GNA14: variants seen among roughly 807,000 people sequenced by gnomAD.
The protein encoded by GNA14 is G protein subunit alpha 14.
A neutral mutation model predicts 42.0 loss-of-function variants in GNA14; 50 were observed. The ratio of observed to expected loss-of-function variants is 1.19; its 90% CI spans 0.95 to 1.51. The LOEUF (loss-of-function observed/expected upper bound fraction) is 1.51. Among genes scored for constraint, GNA14 ranks in the 40% most tolerant of loss-of-function variants. GNA14 has a pLI of 0.00. For missense variants in GNA14, 473 were observed against 446.2 expected, an observed-to-expected ratio of 1.06 and a Z score of -0.54; for synonymous variants, 173 against 163.1, an observed-to-expected ratio of 1.06 and a Z score of -0.46.
chr9:77,476,214 G>A (rs1474066485), intron 2 of GNA14, among the ~76,000 whole-genome samples: 1 of 152,136 alleles, frequency 6.6e-6, no homozygotes, highest in Non-Finnish European at 1.5e-5. Flanking sequence ...AAATGATTCA[G>A]ATTTTAGATT....
At chr9:77,579,111 C>G (rs1823175103) in intron 1 of GNA14, among the ~76,000 whole-genome samples, 1 of 152,182 alleles carries the variant, frequency 6.6e-6, no homozygotes, top group Admixed American at 6.5e-5. Context: ...TCTCTGAGAT[C>G]TAGGGCATCA....
At chr9:77,557,973 G>C (rs564380153) in intron 1 of GNA14, among the ~76,000 whole-genome samples, 9 of 152,136 alleles carry the variant, frequency 5.9e-5, no homozygotes, top group Admixed American at 1.3e-4. Flanking sequence ...TAGCCATTTA[G>C]AACCACAACC....
At chr9:77,436,625 C>G (rs191877654) in intron 2 of GNA14, among the ~76,000 whole-genome samples, 6 of 152,118 alleles carry the variant, frequency 3.9e-5, no homozygotes, top group African/African-American at 1.4e-4. Flanking sequence ...CCCCTCCTCT[C>G]GCCACGCTCT....
chr9:77,627,702 C>A (rs1378766294), intron 1 of GNA14, among the ~76,000 whole-genome samples: 1 of 152,126 alleles, frequency 6.6e-6, no homozygotes, highest in Non-Finnish European at 1.5e-5. Context: ...CCCATTCATG[C>A]TAAAAACTCT....
intron 2 of GNA14, among the ~76,000 whole-genome samples, chr9:77,502,090 G>A (rs956090024): frequency 6.6e-6 from 1 of 152,112 alleles, no homozygotes; most frequent in African/African-American, 2.4e-5. Context: ...CCAATCCATT[G>A]AGTATATTGT....
At chr9:77,428,301 G>T (rs947539995) in intron 5 of GNA14, among the ~76,000 whole-genome samples, 2 of 151,780 alleles carry the variant, frequency 1.3e-5, no homozygotes, top group African/African-American at 4.8e-5. Flanking sequence ...GGATGGTCTC[G>T]ATCTCCTGAC....
chr9:77,568,146 A>G (rs1483701848), intron 1 of GNA14, among the ~76,000 whole-genome samples: 4 of 152,040 alleles, frequency 2.6e-5, no homozygotes, highest in Non-Finnish European at 5.9e-5. Context: ...CATAGCTCAA[A>G]TACTGCTTAA....
In GNA14 at chr9:77,434,378, A is replaced by T; in HGVS notation, c.454T>A (p.Ser152Thr). 1 of 1,613,746 alleles carries T rather than the reference A, an allele frequency of 6.2e-7. No individual in the cohort carries two copies. Among genetic ancestry groups the T allele is most frequent in the African/African-American group, 1.3e-5 (1 of 75,028 alleles). Residue 152 changes from serine (S) to threonine (T), a missense_variant, in exon 3 of 7, where the codon TCT (serine) becomes ACT (threonine). Transcript: ENST00000341700. ...DRRREYQLSD[S>T]AKYYLTDIDR... The stretch of plus-strand genomic sequence containing the variant: ...GGGCTCTGTACTCACTATTTGGCAG[A>T]GTCCGACAGCTGGTACTCCCTCCTC...
intron 2 of GNA14, among the ~76,000 whole-genome samples, chr9:77,476,796 T>C (rs953456730): frequency 6.6e-6 from 1 of 152,196 alleles, no homozygotes; most frequent in African/African-American, 2.4e-5. Context: ...AGCTGAAACC[T>C]TGTATCTCTT....
chr9:77,548,427 G>C (rs143362738), intron 1 of GNA14, among the ~76,000 whole-genome samples: 111 of 152,186 alleles, frequency 7.3e-4, no homozygotes, highest in African/African-American at 2.6e-3. Context: ...ACATTCACAG[G>C]TTCCAAATTC....
At chr9:77,424,998 G>A (rs1835432538) in intron 6 of GNA14, among the ~76,000 whole-genome samples, 1 of 152,104 alleles carries the variant, frequency 6.6e-6, no homozygotes, top group African/African-American at 2.4e-5. Context: ...CTCCTACCTT[G>A]GACAGGTTAT....
intron 1 of GNA14, among the ~76,000 whole-genome samples, chr9:77,536,089 C>T (rs1025326924): frequency 6.6e-6 from 1 of 152,080 alleles, no homozygotes; most frequent in Non-Finnish European, 1.5e-5. Flanking sequence ...AGCTTCTGTT[C>T]TCGCAAATAG....
chr9:77,465,438 T>A (rs1028327132), intron 2 of GNA14, among the ~76,000 whole-genome samples: 6 of 152,250 alleles, frequency 3.9e-5, no homozygotes, highest in African/African-American at 1.4e-4. Context: ...TGGACTTTTT[T>A]ACACTTTTTG....
chr9:77,574,617 GAC>G (rs370576648), intron 1 of GNA14, among the ~76,000 whole-genome samples: 22 of 152,272 alleles, frequency 1.4e-4, no homozygotes, highest in African/African-American at 4.6e-4. Flanking sequence ...CTCATCAACT[GAC>G]ACTGTCAGGA....
At chr9:77,531,465 GCTCTCTA>G (rs1443054996) in intron 1 of GNA14, among the ~76,000 whole-genome samples, 1 of 152,154 alleles carries the variant, frequency 6.6e-6, no homozygotes, top group Non-Finnish European at 1.5e-5. Flanking sequence ...AGTCAGATTA[GCTCTCTA>G]CTCCTGCAGC....
At chr9:77,518,840 C>G (rs62573376) in intron 2 of GNA14, among the ~76,000 whole-genome samples, 22,822 of 152,118 alleles carry the variant, frequency 0.15, 2,119 homozygotes, top group East Asian at 0.27. Context: ...ATTACAGATG[C>G]CATTTTTTTA....
intron 1 of GNA14, among the ~76,000 whole-genome samples, chr9:77,571,646 C>T (rs1398346829): frequency 2.0e-5 from 3 of 151,100 alleles, no homozygotes; most frequent in Non-Finnish European, 4.4e-5. Context: ...ACTAAAAATA[C>T]AAAATTAGCC....
intron 2 of GNA14, among the ~76,000 whole-genome samples, chr9:77,492,091 T>A (rs1836785286): frequency 6.6e-6 from 1 of 152,108 alleles, no homozygotes; most frequent in Admixed American, 6.6e-5. Context: ...GAAGGAAATT[T>A]AAAAATTTCT....
intron 2 of GNA14, among the ~76,000 whole-genome samples, chr9:77,494,831 G>A (rs1017741265): frequency 2.0e-5 from 3 of 151,898 alleles, no homozygotes; most frequent in Non-Finnish European, 4.4e-5. Flanking sequence ...ATGGAGTCTC[G>A]CTTTGCTGCC....
Sources: allele counts gnomAD v4.1 joint callset (sites outside exome capture counted in the v4.1 genomes callset), GRCh38; gene constraint gnomAD v4.1.1; transcripts MANE v1.5; gene names NCBI Gene and HGNC (gene_info 2026-07-23, HGNC 2026-07-21).